UNC13C: variants seen among roughly 807,000 people sequenced by gnomAD.
UNC13C encodes protein unc-13 homolog C.
UNC13C carries 174 observed loss-of-function variants against 245.4 expected under a neutral mutation model. The ratio of observed to expected loss-of-function variants is 0.71; its 90% CI spans 0.63 to 0.80. The LOEUF (loss-of-function observed/expected upper bound fraction) is 0.80, where lower values mean the gene tolerates loss of function less well. UNC13C is among the 30% of genes least tolerant of loss of function. The probability of loss-of-function intolerance (pLI) is 0.00; values close to 1 mark genes in which losing one functional copy is unlikely to be tolerated. For missense variants in UNC13C, 2,829 were observed against 2,602.9 expected, an observed-to-expected ratio of 1.09 and a Z score of -1.89; for synonymous variants, 992 against 895.1, an observed-to-expected ratio of 1.11 and a Z score of -1.93.
the UNC13C span, among the ~76,000 whole-genome samples, chr15:53,907,658 C>T: frequency 1.5e-4 from 23 of 152,192 alleles, no homozygotes; most frequent in East Asian, 3.9e-3. Context: ...TGAGATGATG[C>T]ATATGAAAGT....
At chr15:54,281,473 A>C (rs1276053976) in intron 10 of UNC13C, among the ~76,000 whole-genome samples, 1 of 152,082 alleles carries the variant, frequency 6.6e-6, no homozygotes, top group East Asian at 1.9e-4. Context: ...TTTTCATGGC[A>C]TTTTCTTTAT....
At chr15:54,175,303 C>G (rs2033568688) in intron 4 of UNC13C, among the ~76,000 whole-genome samples, 2 of 151,994 alleles carry the variant, frequency 1.3e-5, no homozygotes. Context: ...CAAGGAAAGA[C>G]TAAAGAGGAA....
At chr15:53,957,151 G>GT in the UNC13C span, among the ~76,000 whole-genome samples, 6 of 116,792 alleles carry the variant, frequency 5.1e-5, no homozygotes, top group Admixed American at 9.4e-5. Context: ...TTGTTTGTTT[G>GT]TTTTTTTTGA....
At chr15:54,372,466 A>C (rs933643695) in intron 17 of UNC13C, among the ~76,000 whole-genome samples, 1 of 152,198 alleles carries the variant, frequency 6.6e-6, no homozygotes. Flanking sequence ...GTTTAGAAAG[A>C]GAATACACTG....
At chr15:53,982,934 C>T (rs190908757) in intron 1 of UNC13C, among the ~76,000 whole-genome samples, 145 of 152,210 alleles carry the variant, frequency 9.5e-4, no homozygotes, top group African/African-American at 3.3e-3. Flanking sequence ...CCTGAGAGGC[C>T]AGAGGCTTGG....
At chr15:54,110,064 G>A (rs191912717) in intron 2 of UNC13C, among the ~76,000 whole-genome samples, 117 of 152,194 alleles carry the variant, frequency 7.7e-4, no homozygotes, top group African/African-American at 2.7e-3. Context: ...GATCACTTGA[G>A]GCCAGGAGTT....
In UNC13C at chr15:54,235,627, C is replaced by A. The variant is rs1451247802; in HGVS notation, c.3150+519C>A. On this transcript the variant is annotated intron_variant, in intron 5 of 32. Coordinates refer to ENST00000260323, the MANE Select transcript of UNC13C (RefSeq NM_001080534.3). The stretch of plus-strand genomic sequence containing the variant: ...GTTCACTTTGGGAGGCCGAGGCGGG[C>A]GGATCATGAGGTCAGGAGATCAAGA... 5.9e-5 allele frequency among the ~76,000 whole-genome samples: 9 copies of A among 152,024 alleles called. No individual in the cohort carries two copies. The East Asian group carries it at 1.7e-3, about 29-fold the overall frequency.
At chr15:54,581,022 A>G (rs1015343032) in intron 30 of UNC13C, among the ~76,000 whole-genome samples, 2 of 152,256 alleles carry the variant, frequency 1.3e-5, no homozygotes, top group African/African-American at 4.8e-5. Context: ...CTTTGCTCCA[A>G]GAAGCTCATG....
At chr15:54,534,997 C>T (rs1204089378) in intron 26 of UNC13C, among the ~76,000 whole-genome samples, 1 of 152,088 alleles carries the variant, frequency 6.6e-6, no homozygotes, top group Non-Finnish European at 1.5e-5. Context: ...AGTAACTACA[C>T]AATCAAGTCT....
Position 54,525,556 on chromosome 15 carries a change from C to T in UNC13C, c.5465C>T (p.Ser1822Phe). The T allele has an allele frequency of 6.2e-7, 1 of 1,611,806 alleles. No individual in the cohort carries two copies. The highest frequency in any genetic ancestry group is 1.1e-5 in the South Asian group (1 of 90,530). Reference sequence around the variant, plus strand: ...TTTATGGTCTCTCTGCAGCTAGATTCTGAAGCTAGTACTATTCTAAAAGAA... The same window carrying T: ...TTTATGGTCTCTCTGCAGCTAGATTTTGAAGCTAGTACTATTCTAAAAGAA... ...FESMGGKELDSEASTILKELQ... is the reference protein window; with the variant it reads ...FESMGGKELDFEASTILKELQ... The change falls in exon 25 of 33, where the codon TCT (serine) becomes TTT (phenylalanine). Residue 1822 changes from serine (S) to phenylalanine (F), a missense_variant. Coordinates refer to ENST00000260323, the MANE Select transcript of UNC13C (RefSeq NM_001080534.3).
At chr15:54,611,388 G>C (rs1268396150) in intron 30 of UNC13C, 1 of 151,182 alleles carries the variant, frequency 6.6e-6, no homozygotes, top group Non-Finnish European at 1.5e-5. Flanking sequence ...CATATAGCTG[G>C]CTAAAAAAAA....
chr15:54,289,432 C>A (rs904313896), intron 10 of UNC13C, among the ~76,000 whole-genome samples: 1 of 152,108 alleles, frequency 6.6e-6, no homozygotes. Flanking sequence ...TATCGGCTTT[C>A]TAGCCCGAGG....
intron 2 of UNC13C, among the ~76,000 whole-genome samples, chr15:54,095,869 G>T (rs945062978): frequency 3.9e-5 from 6 of 152,148 alleles, no homozygotes; most frequent in African/African-American, 1.4e-4. Context: ...GATTTTAGAG[G>T]GGAAAGATTA....
At chr15:53,976,477 C>CTCTTTTTTTTTTTTTTTTTTTTTT (rs1325952003), upstream of UNC13C, among the ~76,000 whole-genome samples, 1 of 63,024 alleles carries the variant, frequency 1.6e-5, no homozygotes, top group Admixed American at 2.8e-4. Flanking sequence ...CTCTCTCTCT[C>CTCTTTTTTTTTTTTTTTTTTTTTT]TTTTTTTTTT....
intron 24 of UNC13C, among the ~76,000 whole-genome samples, chr15:54,514,309 A>G (rs898317692): frequency 3.3e-5 from 5 of 152,210 alleles, no homozygotes; most frequent in African/African-American, 1.2e-4. Flanking sequence ...AAGTTATACA[A>G]TGTGTTCTAA....
At chr15:53,894,493 G>C in the UNC13C span, among the ~76,000 whole-genome samples, 1 of 152,180 alleles carries the variant, frequency 6.6e-6, no homozygotes, top group African/African-American at 2.4e-5. Context: ...CTTATAGCAA[G>C]AAGTGGTCAT....
In UNC13C at chr15:54,421,049, C is replaced by T. The variant is rs59105022; in HGVS notation, c.4933+5982C>T. 3.5e-3 allele frequency among the ~76,000 whole-genome samples: 534 copies of T among 152,096 alleles called. 3 individuals are homozygous for T. The highest frequency in any genetic ancestry group is 0.012 in the African/African-American group (519 of 41,528). ...TTAGCAATTGCCTATTTAGCACTTGCTAGGTACTGGTTTAAATGATTTATG... is the reference window on the plus strand; with the variant it reads ...TTAGCAATTGCCTATTTAGCACTTGTTAGGTACTGGTTTAAATGATTTATG... On this transcript the variant is annotated intron_variant, in intron 19 of 32. Transcript: ENST00000260323.
intron 31 of UNC13C, among the ~76,000 whole-genome samples, chr15:54,622,956 C>A (rs746756152): frequency 3.3e-5 from 5 of 152,124 alleles, no homozygotes; most frequent in Non-Finnish European, 7.4e-5. Context: ...AAAACTAGGG[C>A]TGCCCAATAT....
chr15:54,413,239 G>A (rs913092527), intron 18 of UNC13C, among the ~76,000 whole-genome samples: 1 of 151,732 alleles, frequency 6.6e-6, no homozygotes, highest in Non-Finnish European at 1.5e-5. Flanking sequence ...GTGTGTTTTA[G>A]TTTTTAGTTT....
Sources: allele counts gnomAD v4.1 joint callset (sites outside exome capture counted in the v4.1 genomes callset), GRCh38; gene constraint gnomAD v4.1.1; transcripts MANE v1.5; gene names NCBI Gene and HGNC (gene_info 2026-07-23, HGNC 2026-07-21).